The following ZMAT5 variants were observed in gnomAD, a reference collection of about 807,000 sequenced individuals.
ZMAT5 encodes zinc finger matrin-type protein 5.
In ZMAT5, 23 loss-of-function variants were observed where a neutral mutation model predicts 28.0. The observed-to-expected ratio is 0.82, with a 90% CI of 0.59 to 1.16. ZMAT5 has a LOEUF of 1.16. ZMAT5 is among the 50% of genes most tolerant of loss of function. ZMAT5 has a pLI of 0.00. For synonymous variants in ZMAT5, 76 were observed against 84.1 expected (o/e 0.90, Z 0.52); for missense variants, 173 against 212.7 (o/e 0.81, Z 1.16).
intron 4 of ZMAT5, among the ~76,000 whole-genome samples, chr22:29,739,011 CAA>C (rs1266109702): frequency 6.2e-5 from 8 of 128,084 alleles, no homozygotes; most frequent in South Asian, 2.5e-4. Flanking sequence ...AACTCCATCT[CAA>C]AAAAAAAAAA....
intron 5 of ZMAT5, among the ~76,000 whole-genome samples, chr22:29,733,483 T>C (rs868700419): frequency 1.1e-4 from 16 of 152,268 alleles, no homozygotes; most frequent in South Asian, 8.3e-4. Flanking sequence ...GACCCCCAGG[T>C]GTGAGAGGAC....
chr22:29,747,317 A>G (rs1236247914), intron 2 of ZMAT5: 3 of 152,150 alleles, frequency 2.0e-5, no homozygotes, highest in Non-Finnish European at 2.9e-5. Flanking sequence ...GGGTCTCACA[A>G]TGCTGCCCAG....
At chr22:29,742,219 G>A (rs1245842995) in intron 3 of ZMAT5, among the ~76,000 whole-genome samples, 199 bp downstream of exon 3, 1 of 152,210 alleles carries the variant, frequency 6.6e-6, no homozygotes, top group African/African-American at 2.4e-5. Context: ...TTCTAGATCT[G>A]AAGAGCTGAG....
At chr22:29,744,565 A>T (rs1010338916) in intron 2 of ZMAT5, among the ~76,000 whole-genome samples, 1 of 152,064 alleles carries the variant, frequency 6.6e-6, no homozygotes, top group Admixed American at 6.5e-5. Flanking sequence ...AGGGGAGGGC[A>T]TGTGGACATT....
chr22:29,759,626 C>G (rs983312596), intron 1 of ZMAT5, among the ~76,000 whole-genome samples: 1 of 151,228 alleles, frequency 6.6e-6, no homozygotes, highest in Non-Finnish European at 1.5e-5. Flanking sequence ...TTTAATTAGC[C>G]AGTTGGGGTG....
rs149455149 is a variant in ZMAT5, at chr22:29,742,152, G to C, written c.190+266C>G. Among the ~76,000 whole-genome samples, 448 of 152,272 alleles carry C rather than the reference G, an allele frequency of 2.9e-3. 2 individuals carry two copies. The highest frequency in any genetic ancestry group is 0.01 in the African/African-American group (428 of 41,540). On this transcript the variant is annotated intron_variant, in intron 3 of 5. Coordinates refer to ENST00000344318, the MANE Select transcript of ZMAT5 (RefSeq NM_001003692.2). ...TCTATTCCACCCATAAGTGTCTCTTGGATTTACATGTAATCTCCCACGCCT... is the reference window on the plus strand; with the variant it reads ...TCTATTCCACCCATAAGTGTCTCTTCGATTTACATGTAATCTCCCACGCCT...
intron 4 of ZMAT5, among the ~76,000 whole-genome samples, chr22:29,738,875 G>A (rs773104086): frequency 6.6e-6 from 1 of 152,186 alleles, no homozygotes; most frequent in Non-Finnish European, 1.5e-5. Context: ...GCCATGTGTG[G>A]TGGTGGGTGC....
chr22:29,758,493 C>T lies in ZMAT5; in HGVS notation c.-28+8379G>A, dbSNP rs574220631. ...TTTAAATTAGCTGGGTGTGGTGATG[C>T]ATGCCTATAGTTCCAGCTACTTGGG... On this transcript the variant is annotated intron_variant, in intron 1 of 5. Coordinates refer to ENST00000344318, the MANE Select transcript of ZMAT5 (RefSeq NM_001003692.2). 5.9e-5 allele frequency among the ~76,000 whole-genome samples: 9 copies of T among 152,010 alleles called. No homozygotes were observed. The East Asian group carries it at 1.5e-3, about 26-fold the overall frequency.
intron 1 of ZMAT5, among the ~76,000 whole-genome samples, chr22:29,749,699 T>C (rs905246909): frequency 6.6e-6 from 1 of 152,140 alleles, no homozygotes; most frequent in Non-Finnish European, 1.5e-5. Context: ...GTAATCCCCA[T>C]AATCCCCAGG....
chr22:29,744,832 C>T (rs2067995247), intron 2 of ZMAT5, among the ~76,000 whole-genome samples: 1 of 152,214 alleles, frequency 6.6e-6, no homozygotes, highest in African/African-American at 2.4e-5. Flanking sequence ...TAAAGCTCCT[C>T]GGTGACTCTG....
At position 29,742,487 on chromosome 22, in the gene ZMAT5, G is replaced by C. The variant is rs750171310; in HGVS notation, c.128-7C>G. ...AGCAAGATGGCAGCTGCATCTGCGA[G>C]AGAAGAGAGGGACGGGATTCGGATG... On this transcript the variant is annotated splice_region_variant and splice_polypyrimidine_tract_variant and intron_variant, in intron 2 of 5. Coordinates refer to ENST00000344318, the MANE Select transcript of ZMAT5 (RefSeq NM_001003692.2). 4 of 1,612,012 alleles carry C rather than the reference G, an allele frequency of 2.5e-6. No individual in the cohort carries two copies. In the South Asian group the frequency reaches 4.4e-5, roughly 18 times the overall value.
At chr22:29,735,704 A>G (rs1204224545) in intron 5 of ZMAT5, among the ~76,000 whole-genome samples, 1 of 152,170 alleles carries the variant, frequency 6.6e-6, no homozygotes, top group Non-Finnish European at 1.5e-5. Context: ...GGGGGTGCCA[A>G]TCTCCCTGAA....
At chr22:29,763,781 A>G (rs1232973619) in intron 1 of ZMAT5, among the ~76,000 whole-genome samples, 2 of 152,092 alleles carry the variant, frequency 1.3e-5, no homozygotes, top group African/African-American at 2.4e-5. Flanking sequence ...CAAAAAATCT[A>G]TAAGAAAACC....
intron 1 of ZMAT5, among the ~76,000 whole-genome samples, chr22:29,755,944 C>T (rs1214699718): frequency 6.6e-6 from 1 of 152,264 alleles, no homozygotes; most frequent in Non-Finnish European, 1.5e-5. Context: ...CTCTCCATCC[C>T]ACTGTCCTGC....
chr22:29,761,055 A>G (rs1313667597), intron 1 of ZMAT5, among the ~76,000 whole-genome samples: 1 of 143,858 alleles, frequency 7.0e-6, no homozygotes, highest in Non-Finnish European at 1.5e-5. Flanking sequence ...CAGGCGGATG[A>G]CAAGGTCAAG....
chr22:29,732,893 G>A (rs2147213122), intron 5 of ZMAT5, among the ~76,000 whole-genome samples: 1 of 152,298 alleles, frequency 6.6e-6, no homozygotes, highest in Admixed American at 6.5e-5. Context: ...TAGGGGTAAG[G>A]TGTATTTGTA....
At chr22:29,744,082 A>T (rs1569336958) in intron 2 of ZMAT5, among the ~76,000 whole-genome samples, 1 of 152,208 alleles carries the variant, frequency 6.6e-6, no homozygotes, top group Non-Finnish European at 1.5e-5. Flanking sequence ...AAATGTCATC[A>T]GATAATGAAT....
intron 1 of ZMAT5, among the ~76,000 whole-genome samples, chr22:29,766,564 C>T (rs1424473044): frequency 6.6e-6 from 1 of 152,244 alleles, no homozygotes; most frequent in Non-Finnish European, 1.5e-5. Flanking sequence ...CTCCAAAGCC[C>T]TTGCTCTTTT....
intron 5 of ZMAT5, among the ~76,000 whole-genome samples, chr22:29,733,735 C>G (rs1027990300): frequency 6.6e-6 from 1 of 152,160 alleles, no homozygotes; most frequent in Non-Finnish European, 1.5e-5. Flanking sequence ...TTCCCCTGAG[C>G]CTCAGGCCCT....
Sources: gnomAD v4.1 joint callset for allele counts (sites outside exome capture counted in the v4.1 genomes callset) on GRCh38, gnomAD v4.1.1 for gene constraint, MANE v1.5 for transcripts, NCBI Gene and HGNC (gene_info 2026-07-23, HGNC 2026-07-21) for gene names.